FBXO6: variants seen among roughly 807,000 people sequenced by gnomAD.
FBXO6 encodes F-box only protein 6.
In FBXO6, 13 loss-of-function variants were observed where a neutral mutation model predicts 25.0. The observed-to-expected ratio is 0.52, with a 90% confidence interval of 0.34 to 0.83. The LOEUF is 0.83. Among genes scored for constraint, FBXO6 ranks in the 40% least tolerant of loss-of-function variants. FBXO6 has a pLI of 0.02. For missense variants in FBXO6, 370 were observed against 380.2 expected (o/e 0.97, Z 0.22); for synonymous variants, 138 against 155.3 (o/e 0.89, Z 0.83).
intron 1 of FBXO6, 142 bp downstream of exon 1, chr1:11,664,397 G>A (rs1640336933): frequency 6.6e-6 from 1 of 151,584 alleles, no homozygotes; most frequent in South Asian, 2.1e-4. Context: ...GGCTCGGGCC[G>A]ACCTGGAGCT....
chr1:11,669,016 T>C, intron 2 of FBXO6, 72 bp downstream of exon 2: 1 of 1,549,116 alleles, frequency 6.5e-7, no homozygotes, highest in Non-Finnish European at 8.8e-7. Context: ...GCACTTGCAA[T>C]TCCCACACTA....
intron 4 of FBXO6, among the ~76,000 whole-genome samples, chr1:11,672,447 C>T (rs1380323409): frequency 7.3e-6 from 1 of 136,342 alleles, no homozygotes; most frequent in South Asian, 2.3e-4. Context: ...CCACTACACC[C>T]GGCTATTTTT....
intron 2 of FBXO6, among the ~76,000 whole-genome samples, chr1:11,670,972 T>C (rs569956714): frequency 3.3e-5 from 5 of 152,240 alleles, no homozygotes; most frequent in African/African-American, 7.2e-5. Context: ...AGAGCTGATA[T>C]GGTGAGGACA....
chr1:11,668,309 C>G (rs1295042869), intron 1 of FBXO6, among the ~76,000 whole-genome samples: 3 of 151,674 alleles, frequency 2.0e-5, no homozygotes, highest in African/African-American at 7.3e-5. Flanking sequence ...TTGTATTGCA[C>G]TCTTCTGAAT....
intron 3 of FBXO6, 82 bp from the exon 4 acceptor site, chr1:11,671,846 A>C: frequency 7.8e-7 from 1 of 1,286,870 alleles, no homozygotes; most frequent in Non-Finnish European, 1.1e-6. Flanking sequence ...CCCTGGGCTC[A>C]CAGGGGCTGC....
intron 1 of FBXO6, chr1:11,664,601 G>T (rs559238630): frequency 6.6e-6 from 1 of 152,162 alleles, no homozygotes; most frequent in African/African-American, 2.4e-5. Context: ...AGGCTCTGCG[G>T]CCGCCTCCAC....
chr1:11,667,056 A>T (rs1570269172), intron 1 of FBXO6, among the ~76,000 whole-genome samples: 1 of 151,658 alleles, frequency 6.6e-6, no homozygotes, highest in South Asian at 2.1e-4. Context: ...CTGAGGCTGG[A>T]GAATTGCTTG....
Position 11,674,322 on chromosome 1 carries a change from T to A in FBXO6, c.*471T>A, listed in dbSNP as rs1482497295. On this transcript the variant is annotated 3_prime_UTR_variant, in exon 6 of 6. Transcript: ENST00000376753. This position sits in a 1 kb window ranked among gnomAD's most constrained non-coding sequence, Gnocchi z 6.1. ...CTGGCTCATAAAATAATAATAATAA[T>A]AAATAAATAAAAAATAAATGTTTTC... is the stretch of plus-strand genomic sequence containing the variant. 3.3e-5 allele frequency: 5 copies of A among 152,098 alleles called. No individual in the cohort carries two copies. The highest frequency in any genetic ancestry group is 1.9e-4 in the East Asian group (1 of 5,180). 9.4% of individuals were successfully genotyped at this position (152,098 alleles called of 1,614,324 possible). A position where few individuals can be genotyped will look rare whatever the true frequency, so the allele number is the denominator to read the frequency against.
chr1:11,671,979 G>A lies in FBXO6; in HGVS notation c.465G>A (p.Glu155=), dbSNP rs1035810523. Residue 155 remains glutamate, a synonymous_variant, in exon 4 of 6, where the codon GAG becomes GAA. Coordinates refer to ENST00000376753, the MANE Select transcript of FBXO6 (RefSeq NM_018438.6). Reference sequence around the variant, plus strand: ...ACCTTGTAGCCGAGGGCTACTGGGAGGAGCTACTAGACACATTCCGGCCGG... The same window carrying A: ...ACCTTGTAGCCGAGGGCTACTGGGAAGAGCTACTAGACACATTCCGGCCGG... ...LVDLVAEGYW[E]ELLDTFRPDI... 1.9e-6 allele frequency: 3 copies of A among 1,614,228 alleles called. No individual in the cohort carries two copies. The highest frequency in any genetic ancestry group is 8.5e-7 in the Non-Finnish European group (1 of 1,180,018).
At chr1:11,665,497 C>T (rs1462616373) in intron 1 of FBXO6, among the ~76,000 whole-genome samples, 4 of 150,620 alleles carry the variant, frequency 2.7e-5, no homozygotes, top group Non-Finnish European at 5.9e-5. Context: ...CCTCGTGATC[C>T]GCCCACCTCG....
At chr1:11,668,322 G>A (rs1020361694) in intron 1 of FBXO6, among the ~76,000 whole-genome samples, 1 of 151,200 alleles carries the variant, frequency 6.6e-6, no homozygotes, top group African/African-American at 2.4e-5. Context: ...TTCTGAATGT[G>A]TGTCCCATGA....
chr1:11,669,466 C>CAA (rs745895557), intron 2 of FBXO6, among the ~76,000 whole-genome samples: 2 of 120,608 alleles, frequency 1.7e-5, no homozygotes, highest in Admixed American at 8.6e-5. Context: ...CTTTTAGTCT[C>CAA]AAAAAAAAAA....
At chr1:11,665,212 T>TCTC (rs1640381862) in intron 1 of FBXO6, among the ~76,000 whole-genome samples, 1 of 119,654 alleles carries the variant, frequency 8.4e-6, no homozygotes, top group Admixed American at 9.2e-5. Context: ...GCCTAGCTAA[T>TCTC]TTCTTTTTTT....
In FBXO6 at chr1:11,673,344, T is replaced by G. The variant is rs1557675704; in HGVS notation, c.577T>G (p.Phe193Val). The G allele has an allele frequency of 1.2e-6, 2 of 1,614,084 alleles. No homozygotes were observed. Among genetic ancestry groups the G allele is most frequent in the South Asian group, 1.1e-5 (1 of 91,086 alleles). ...AGTGCAGCTGGCCTCGGCTGACTAC[T>G]TCGTGTTGGCCTCCTTCGAGCCCCC... ...LKVQLASADYFVLASFEPPPV... is the reference protein window; with the variant it reads ...LKVQLASADYVVLASFEPPPV... The change falls in exon 5 of 6, where the codon TTC (phenylalanine) becomes GTC (valine). Residue 193 changes from phenylalanine to valine, a missense_variant. Transcript: ENST00000376753. The surrounding 1 kb of genome is among the most constrained non-coding windows in gnomAD (Gnocchi z 4.3).
rs1198792151 is a variant in FBXO6, at chr1:11,665,721, CA to C, written c.-4+1467del. Among the ~76,000 whole-genome samples the C allele has an allele frequency of 9.2e-4, 139 of 151,744 alleles. 1 individual carries two copies. Among genetic ancestry groups the C allele is most frequent in the Non-Finnish European group, 1.6e-3 (110 of 67,958 alleles). On this transcript the variant is annotated intron_variant, in intron 1 of 5. Transcript: ENST00000376753. ...GACTACAGGCGTCCGCCACCACGCC[CA>C]GCTAATTTTTGTATTTTTAGTAGAG...
At chr1:11,666,664 G>C (rs555223521) in intron 1 of FBXO6, among the ~76,000 whole-genome samples, 1 of 152,092 alleles carries the variant, frequency 6.6e-6, no homozygotes, top group Non-Finnish European at 1.5e-5. Context: ...TTACAGGCTT[G>C]AGCCACCGCA....
intron 1 of FBXO6, among the ~76,000 whole-genome samples, chr1:11,667,919 C>T (rs1225945039): frequency 6.6e-6 from 1 of 152,016 alleles, no homozygotes; most frequent in African/African-American, 2.4e-5. Context: ...GATGAAACCC[C>T]GTCTCTACTA....
intron 2 of FBXO6, 141 bp downstream of exon 2, chr1:11,669,085 T>G (rs1640532520): frequency 1.7e-6 from 2 of 1,175,610 alleles, no homozygotes; most frequent in African/African-American, 3.1e-5. Flanking sequence ...TTCTCATTCT[T>G]CAGGTCTCAG....
Position 11,671,342 on chromosome 1 carries a change from G to C in FBXO6, c.363G>C (p.Gly121=). ...WKVESLPGAH[G]TDFPDPKVKK... ...TGGAGAGCCTCCCTGGAGCCCACGG[G>C]ACAGATTTTCCTGACCCCAAAGTCA... Residue 121 remains glycine, a synonymous_variant, in exon 3 of 6, where the codon GGG becomes GGC. Transcript: ENST00000376753. 1 of 1,614,142 alleles carries C rather than the reference G, an allele frequency of 6.2e-7. No individual in the cohort carries two copies. The highest frequency in any genetic ancestry group is 8.5e-7 in the Non-Finnish European group (1 of 1,180,026).
Sources: allele counts gnomAD v4.1 joint callset (sites outside exome capture counted in the v4.1 genomes callset), GRCh38; gene constraint gnomAD v4.1.1; non-coding constraint Gnocchi (gnomAD v3.1); transcripts MANE v1.5; gene names NCBI Gene and HGNC (gene_info 2026-07-23, HGNC 2026-07-21).